The following COX10 variants were observed in gnomAD, a reference collection of about 807,000 sequenced individuals.
COX10 encodes cytochrome c oxidase assembly factor heme A:farnesyltransferase COX10, also known as protoheme IX farnesyltransferase, mitochondrial.
In COX10, 27 loss-of-function variants were observed where a neutral mutation model predicts 37.3. The ratio of observed to expected loss-of-function variants is 0.72; its 90% CI spans 0.53 to 1.00. COX10 has a LOEUF of 1.00. Ranked by LOEUF, COX10 falls within the 50% of genes least tolerant of loss-of-function variation. The pLI, the probability that COX10 is intolerant of heterozygous loss-of-function variation, is 0.00. For synonymous variants in COX10, 222 were observed against 229.1 expected (o/e 0.97, Z 0.28); for missense variants, 475 against 563.2 (o/e 0.84, Z 1.59).
chr17:14,072,919 G>T (rs2142179312), intron 1 of COX10, among the ~76,000 whole-genome samples: 1 of 152,276 alleles, frequency 6.6e-6, no homozygotes. Flanking sequence ...AAAATTAGAT[G>T]ATGGGAACAA....
chr17:14,090,720 T>A (rs1915507818), intron 3 of COX10, among the ~76,000 whole-genome samples: 1 of 152,228 alleles, frequency 6.6e-6, no homozygotes, highest in Non-Finnish European at 1.5e-5. Context: ...AGTCTTCAAC[T>A]TTGACATCAC....
At chr17:14,130,085 A>T (rs1408654300) in intron 4 of COX10, among the ~76,000 whole-genome samples, 1 of 152,172 alleles carries the variant, frequency 6.6e-6, no homozygotes, top group East Asian at 1.9e-4. Context: ...AACAAAAATT[A>T]AGAATGTAAA....
At chr17:14,084,462 A>G (rs954139457) in intron 3 of COX10, among the ~76,000 whole-genome samples, 7 of 152,118 alleles carry the variant, frequency 4.6e-5, no homozygotes, top group African/African-American at 1.4e-4. Context: ...TGCATCTCAT[A>G]TATTTTTGCT....
chr17:14,167,319 G>A (rs1023650696), intron 5 of COX10, among the ~76,000 whole-genome samples: 8 of 152,206 alleles, frequency 5.3e-5, no homozygotes, highest in Non-Finnish European at 8.8e-5. Flanking sequence ...TATTTCTGAC[G>A]AAGATGCTGT....
rs547700718 is a variant in COX10, at chr17:14,174,370, G to A, written c.695+14423G>A. On this transcript the variant is annotated intron_variant, in intron 5 of 6. Coordinates refer to ENST00000261643, the MANE Select transcript of COX10 (RefSeq NM_001303.4). ...ACTACTTGGGAGGCTGAGGAGGGAG[G>A]ATCACTTGAGCCCAGGAAGCAGATG... 2.7e-5 allele frequency among the ~76,000 whole-genome samples: 4 copies of A among 149,456 alleles called. No individual in the cohort carries two copies. In the East Asian group the frequency reaches 8.0e-4, roughly 30 times the overall value.
intron 4 of COX10, among the ~76,000 whole-genome samples, chr17:14,153,565 G>C (rs973713916): frequency 6.6e-6 from 1 of 152,130 alleles, no homozygotes; most frequent in Non-Finnish European, 1.5e-5. Context: ...CTGATAGCCA[G>C]TCCCTATTCT....
intron 4 of COX10, among the ~76,000 whole-genome samples, chr17:14,125,343 T>G (rs1040045156): frequency 1.1e-4 from 16 of 152,190 alleles, no homozygotes; most frequent in African/African-American, 3.9e-4. Flanking sequence ...AATTTTAGGT[T>G]GTTATTTGTA....
intron 3 of COX10, chr17:14,077,414 C>G (rs1915181924): frequency 3.5e-6 from 1 of 286,898 alleles, no homozygotes; most frequent in African/African-American, 2.3e-5. Flanking sequence ...AAGAATTGCA[C>G]TACTGGGCTT....
chr17:14,184,678 G>GTTCA (rs1386441380), intron 5 of COX10, among the ~76,000 whole-genome samples: 1 of 152,234 alleles, frequency 6.6e-6, no homozygotes, highest in Non-Finnish European at 1.5e-5. Context: ...AACAGAGCTA[G>GTTCA]TTCACAGCCC....
intron 3 of COX10, among the ~76,000 whole-genome samples, chr17:14,091,815 T>C (rs1468750992): frequency 1.3e-5 from 2 of 152,190 alleles, no homozygotes; most frequent in African/African-American, 2.4e-5. Context: ...GTACAATATC[T>C]GCTCTCTGGA....
intron 4 of COX10, among the ~76,000 whole-genome samples, chr17:14,157,937 C>T (rs1905078391): frequency 6.6e-6 from 1 of 152,168 alleles, no homozygotes; most frequent in African/African-American, 2.4e-5. Flanking sequence ...CAAATGCTCT[C>T]TTAATGCTGT....
chr17:14,109,516 C>G (rs1915968839), intron 4 of COX10, among the ~76,000 whole-genome samples: 1 of 152,088 alleles, frequency 6.6e-6, no homozygotes, highest in Non-Finnish European at 1.5e-5. Context: ...GGTCATTATT[C>G]GCTTCTTAAT....
chr17:14,171,180 A>G lies in COX10; in HGVS notation c.695+11233A>G, dbSNP rs903319299. Among the ~76,000 whole-genome samples, 8 of 152,288 alleles carry G rather than the reference A, an allele frequency of 5.3e-5. No homozygotes were observed. In the South Asian group the frequency reaches 6.2e-4, roughly 12 times the overall value. Reference sequence around the variant, plus strand: ...GGTTATTGAACCTTTCCCTCATACTATCATCATCGGAACACTTTTGTGGAG... The same window carrying G: ...GGTTATTGAACCTTTCCCTCATACTGTCATCATCGGAACACTTTTGTGGAG... On this transcript the variant is annotated intron_variant, in intron 5 of 6. Coordinates refer to ENST00000261643, the MANE Select transcript of COX10 (RefSeq NM_001303.4).
At chr17:14,077,315 C>T (rs1915179344) in intron 3 of COX10, 2 of 453,270 alleles carry the variant, frequency 4.4e-6, no homozygotes, top group Non-Finnish European at 8.0e-6. Context: ...GAATGTTTAT[C>T]CTGCTTATTT....
rs975825356 is a variant in COX10 at position 14,088,560 on chromosome 17, T to A, written c.499+11504T>A. On this transcript the variant is annotated intron_variant, in intron 3 of 6. Transcript: ENST00000261643. The stretch of plus-strand genomic sequence containing the variant: ...AACTGATTGTAAGTATAAGATGCTA[T>A]GGTAGATGCCAGGGGAAGGTAAAGA... Among the ~76,000 whole-genome samples, 3 of 152,206 alleles carry A rather than the reference T, an allele frequency of 2.0e-5. 1 individual carries two copies. In the East Asian group the frequency reaches 5.8e-4, roughly 29 times the overall value.
chr17:14,180,170 C>T (rs1414824288), intron 5 of COX10, among the ~76,000 whole-genome samples: 1 of 151,336 alleles, frequency 6.6e-6, no homozygotes, highest in Non-Finnish European at 1.5e-5. Flanking sequence ...AGACGGGTAC[C>T]CAGCCAGGCT....
chr17:14,077,922 ATT>A (rs58059969), intron 3 of COX10, among the ~76,000 whole-genome samples: 2,353 of 143,010 alleles, frequency 0.016, 33 homozygotes, highest in East Asian at 0.032. Flanking sequence ...GGAAAGAGTG[ATT>A]TTTTTTTTTT....
At chr17:14,176,444 A>C (rs1245003564) in intron 5 of COX10, among the ~76,000 whole-genome samples, 1 of 152,178 alleles carries the variant, frequency 6.6e-6, no homozygotes, top group Non-Finnish European at 1.5e-5. Flanking sequence ...CCCCGCAGGG[A>C]AACAGAACCC....
At chr17:14,091,664 C>T (rs34685319) in intron 3 of COX10, among the ~76,000 whole-genome samples, 23,214 of 152,064 alleles carry the variant, frequency 0.15, 1,943 homozygotes, top group Non-Finnish European at 0.19. Flanking sequence ...GCAGTATTTT[C>T]GAGATTTAAA....
Sources: allele counts gnomAD v4.1 joint callset (sites outside exome capture counted in the v4.1 genomes callset), GRCh38; gene constraint gnomAD v4.1.1; transcripts MANE v1.5; gene names NCBI Gene and HGNC (gene_info 2026-07-23, HGNC 2026-07-21).